The following SDK1 variants were observed in gnomAD, a reference collection of about 807,000 sequenced individuals.
SDK1 encodes the protein sidekick cell adhesion molecule 1, also known as protein sidekick-1.
SDK1 carries 157 observed loss-of-function variants against 245.5 expected under a neutral mutation model. The ratio of observed to expected loss-of-function variants is 0.64; its 90% confidence interval spans 0.56 to 0.73. The LOEUF is 0.73. Ranked by LOEUF, SDK1 falls within the 30% of genes least tolerant of loss-of-function variation. The pLI is 0.00. For synonymous variants in SDK1, 1,647 were observed against 1,278.5 expected (o/e 1.29, Z -6.15); for missense variants, 3,583 against 3,002.3 (o/e 1.19, Z -4.52).
intron 1 of SDK1, among the ~76,000 whole-genome samples, chr7:3,464,698 G>GTGTATA (rs1554275277): frequency 2.7e-5 from 4 of 148,114 alleles, no homozygotes; most frequent in African/African-American, 1.0e-4. Context: ...GTGTATGTAT[G>GTGTATA]TATATATATA....
At chr7:3,904,863 GGCGCCTGTAGTCCCA>G (rs1781909785) in intron 5 of SDK1, among the ~76,000 whole-genome samples, 1 of 151,852 alleles carries the variant, frequency 6.6e-6, no homozygotes, top group Non-Finnish European at 1.5e-5. Flanking sequence ...TGTGGTGGTG[GGCGCCTGTAGTCCCA>G]GCTACTCGGG....
At position 3,715,256 on chromosome 7, in the gene SDK1, A is replaced by G. The variant is rs1164025702; in HGVS notation, c.713+73151A>G. The stretch of plus-strand genomic sequence containing the variant: ...TAAGGTTTTATTTTACTTTTTGCAG[A>G]TGAGCTGCAGACTATATATAAATTC... On this transcript the variant is annotated intron_variant, in intron 4 of 44. Transcript: ENST00000404826. Among the ~76,000 whole-genome samples the G allele has an allele frequency of 3.3e-5, 5 of 152,220 alleles. No homozygotes were observed. In the South Asian group the frequency reaches 8.3e-4, roughly 25 times the overall value.
At chr7:3,381,753 T>G (rs997035714) in intron 1 of SDK1, among the ~76,000 whole-genome samples, 2 of 152,138 alleles carry the variant, frequency 1.3e-5, no homozygotes, top group African/African-American at 4.8e-5. Flanking sequence ...GAAAGGTGTG[T>G]GGACAGAAAT....
At chr7:4,081,037 T>G (rs1228624327) in intron 22 of SDK1, among the ~76,000 whole-genome samples, 1 of 152,218 alleles carries the variant, frequency 6.6e-6, no homozygotes, top group East Asian at 1.9e-4. Flanking sequence ...GCAATACTTT[T>G]AGGCCCGCAG....
chr7:4,114,971 C>G (rs1469950682), intron 25 of SDK1, among the ~76,000 whole-genome samples: 2 of 152,188 alleles, frequency 1.3e-5, no homozygotes, highest in Non-Finnish European at 1.5e-5. Flanking sequence ...GTGTTTTTGG[C>G]CAACCTTGAG....
chr7:4,030,911 T>G (rs1046308430), intron 17 of SDK1, among the ~76,000 whole-genome samples: 1 of 152,182 alleles, frequency 6.6e-6, no homozygotes, highest in Non-Finnish European at 1.5e-5. Context: ...CTTCCCCTAC[T>G]ACACTATGAG....
At chr7:3,958,248 C>T (rs1209916185) in intron 7 of SDK1, 1 of 274,804 alleles carries the variant, frequency 3.6e-6, no homozygotes, top group South Asian at 3.2e-5. Flanking sequence ...GGCCATGCCT[C>T]TGTTGAATTT....
In SDK1 at chr7:4,257,688, C is replaced by G. The variant is rs754094566; in HGVS notation, c.6382-7436C>G. Among the ~76,000 whole-genome samples, 136 of 152,304 alleles carry G rather than the reference C, an allele frequency of 8.9e-4. 1 individual carries two copies. In the Middle Eastern group the frequency reaches 0.014, roughly 15 times the overall value. ...AAAAGCCTCTTGGAGCCTCGTGTCT[C>G]TGCTTCTTTCTGTACAATGGTTATG... On this transcript the variant is annotated intron_variant, in intron 44 of 44. Coordinates refer to ENST00000404826, the MANE Select transcript of SDK1 (RefSeq NM_152744.4).
In SDK1 at chr7:3,951,839, A is replaced by C; in HGVS notation, c.1069A>C (p.Thr357Pro). 1 of 1,613,804 alleles carries C rather than the reference A, an allele frequency of 6.2e-7. No individual in the cohort carries two copies. Among genetic ancestry groups the C allele is most frequent in the South Asian group, 1.1e-5 (1 of 91,062 alleles). The change falls in exon 7 of 45, where the codon ACC (threonine) becomes CCC (proline). Residue 357 changes from threonine (T) to proline (P), a missense_variant. Physicochemically the swap from Thr to Pro is conservative, Grantham distance 38. Coordinates refer to ENST00000404826, the MANE Select transcript of SDK1 (RefSeq NM_152744.4). ...CATCAGCAACCCGACGTCCGCGGAC[A>C]CCGGGCCATACGTCTGCGAGGCGGC... is the stretch of plus-strand genomic sequence containing the variant. The part of the protein sequence containing the change: ...LTISNPTSAD[T>P]GPYVCEAALP...
At chr7:3,457,513 T>C (rs1178224652) in intron 1 of SDK1, among the ~76,000 whole-genome samples, 1 of 152,194 alleles carries the variant, frequency 6.6e-6, no homozygotes, top group Non-Finnish European at 1.5e-5. Context: ...TAATTATTGG[T>C]CATAGCTGAC....
intron 1 of SDK1, among the ~76,000 whole-genome samples, chr7:3,554,369 T>C (rs1025932702): frequency 2.3e-4 from 35 of 152,080 alleles, no homozygotes; most frequent in Admixed American, 3.9e-4. Flanking sequence ...GATCAAGTTT[T>C]AAAGGAAATA....
intron 20 of SDK1, among the ~76,000 whole-genome samples, chr7:4,069,150 C>T (rs76462826): frequency 6.6e-6 from 1 of 152,248 alleles, no homozygotes; most frequent in Non-Finnish European, 1.5e-5. Flanking sequence ...GCAGGGCCCC[C>T]TGTTCTACTG....
chr7:3,946,490 T>A (rs1780584743), intron 5 of SDK1, among the ~76,000 whole-genome samples: 2 of 152,180 alleles, frequency 1.3e-5, no homozygotes, highest in African/African-American at 4.8e-5. Flanking sequence ...ATTTTTTTTT[T>A]TTCTTGGATA....
chr7:3,548,088 A>T (rs190768511), intron 1 of SDK1, among the ~76,000 whole-genome samples: 2 of 152,172 alleles, frequency 1.3e-5, no homozygotes, highest in Non-Finnish European at 2.9e-5. Context: ...CAACTGTAAA[A>T]CACATACTAT....
chr7:3,986,706 CA>C (rs1393216852), intron 13 of SDK1, among the ~76,000 whole-genome samples: 4 of 151,970 alleles, frequency 2.6e-5, no homozygotes, highest in Non-Finnish European at 4.4e-5. Context: ...ACTAAAAATA[CA>C]AAAATTAGCT....
intron 5 of SDK1, among the ~76,000 whole-genome samples, chr7:3,859,164 T>C (rs1780623229): frequency 6.6e-6 from 1 of 152,046 alleles, no homozygotes; most frequent in African/African-American, 2.4e-5. Flanking sequence ...GCCCGGCCCA[T>C]ATTTTTCTTT....
At chr7:3,851,376 T>C (rs1780416053) in intron 5 of SDK1, among the ~76,000 whole-genome samples, 2 of 152,282 alleles carry the variant, frequency 1.3e-5, no homozygotes, top group African/African-American at 2.4e-5. Context: ...ATGTTAATAA[T>C]ATAAGTATTT....
intron 28 of SDK1, among the ~76,000 whole-genome samples, chr7:4,139,657 GTGTA>G (rs1367359344): frequency 8.0e-5 from 9 of 111,866 alleles, no homozygotes; most frequent in South Asian, 3.1e-4. Context: ...ATATGTGTGT[GTGTA>G]TATGTGTGTG....
At chr7:3,431,956 A>G (rs1341927153) in intron 1 of SDK1, among the ~76,000 whole-genome samples, 4 of 151,914 alleles carry the variant, frequency 2.6e-5, no homozygotes, top group Non-Finnish European at 5.9e-5. Context: ...GGGTGTTTAA[A>G]CTGTGATTAA....
Sources: gnomAD v4.1 joint callset for allele counts (sites outside exome capture counted in the v4.1 genomes callset) on GRCh38, gnomAD v4.1.1 for gene constraint, MANE v1.5 for transcripts, NCBI Gene and HGNC (gene_info 2026-07-23, HGNC 2026-07-21) for gene names.